SGO2: variants seen among roughly 807,000 people sequenced by gnomAD.
SGO2 encodes shugoshin-like 2.
Under a neutral mutation model 99.5 loss-of-function variants are expected in SGO2, and 68 were observed. That is an observed-to-expected ratio of 0.68 (90% CI 0.56 to 0.84). The LOEUF (loss-of-function observed/expected upper bound fraction) is 0.84, where lower values mean the gene tolerates loss of function less well. SGO2 is among the 40% of genes least tolerant of loss of function. The probability of loss-of-function intolerance (pLI) is 0.00; values close to 1 mark genes in which losing one functional copy is unlikely to be tolerated. For missense variants in SGO2, 1,350 were observed against 1,436.7 expected, an observed-to-expected ratio of 0.94 and a Z score of 0.97; for synonymous variants, 457 against 487.1, an observed-to-expected ratio of 0.94 and a Z score of 0.81.
chr2:200,532,968 C>G lies in SGO2; in HGVS notation c.-2-6C>G. 1 of 1,596,738 alleles carries G rather than the reference C, an allele frequency of 6.3e-7. No individual in the cohort carries two copies. Among genetic ancestry groups the G allele is most frequent in the Admixed American group, 1.8e-5 (1 of 56,020 alleles). On this transcript the variant is annotated splice_polypyrimidine_tract_variant and splice_region_variant and intron_variant, in intron 1 of 8. Coordinates refer to ENST00000357799, the MANE Select transcript of SGO2 (RefSeq NM_152524.6). ...AATACTATGATTTTTTTTTCTTTCA[C>G]TTCAGTGATGGAGTGCCCAGTGATG...
chr2:200,534,005 G>A (rs2031565710), intron 2 of SGO2, among the ~76,000 whole-genome samples: 2 of 152,262 alleles, frequency 1.3e-5, no homozygotes, highest in South Asian at 4.1e-4. Context: ...TAAGCTTGTT[G>A]TAGTCAGTTT....
At chr2:200,565,552 T>C (rs997631143) in intron 5 of SGO2, among the ~76,000 whole-genome samples, 7 of 152,230 alleles carry the variant, frequency 4.6e-5, no homozygotes, top group African/African-American at 1.7e-4. Context: ...GGAGTTGCTC[T>C]TCTCAAGGAG....
chr2:200,561,096 C>A (rs554381082), intron 5 of SGO2, among the ~76,000 whole-genome samples: 118 of 152,166 alleles, frequency 7.8e-4, no homozygotes, highest in Middle Eastern at 3.4e-3. Context: ...GCACAACGTG[C>A]AGGTTTGTTA....
In SGO2 at chr2:200,572,751, C is replaced by A; in HGVS notation, c.2405C>A (p.Ser802Ter). The change falls in exon 7 of 9, where the codon TCA becomes TAA. Residue 802 changes from serine (S) to a stop codon, truncating the protein, a stop_gained. Transcript: ENST00000357799. LOFTEE classifies it high-confidence loss of function. ...HDMQPACQND[S>*]KIGKKPRLNV... The stretch of plus-strand genomic sequence containing the variant: ...ATGCAACCTGCTTGTCAAAATGATT[C>A]AAAAATAGGTAAGAAGCCTAGACTA... 6.2e-7 allele frequency: 1 copy of A among 1,612,494 alleles called. No individual in the cohort carries two copies. Among genetic ancestry groups the A allele is most frequent in the South Asian group, 1.1e-5 (1 of 90,756 alleles).
intron 5 of SGO2, among the ~76,000 whole-genome samples, chr2:200,556,020 A>G (rs2032699612): frequency 6.6e-6 from 1 of 152,068 alleles, no homozygotes; most frequent in South Asian, 2.1e-4. Context: ...GCTGGAGTGC[A>G]ATGGTGCAAT....
intron 5 of SGO2, among the ~76,000 whole-genome samples, chr2:200,563,172 T>C (rs2033042523): frequency 6.6e-6 from 1 of 152,136 alleles, no homozygotes; most frequent in South Asian, 2.1e-4. Flanking sequence ...TTTTTGCCCA[T>C]TCAAAACTGG....
At chr2:200,538,487 CCTTAACA>C (rs1262622058) in intron 4 of SGO2, among the ~76,000 whole-genome samples, 1 of 152,170 alleles carries the variant, frequency 6.6e-6, no homozygotes, top group Non-Finnish European at 1.5e-5. Context: ...TAATCTTTCT[CCTTAACA>C]CTTAACACTC....
At chr2:200,537,563 C>A (rs2031751112) in intron 4 of SGO2, among the ~76,000 whole-genome samples, 1 of 152,144 alleles carries the variant, frequency 6.6e-6, no homozygotes, top group South Asian at 2.1e-4. Flanking sequence ...TAAGTCTCTT[C>A]CTACCTTTCT....
chr2:200,535,248 A>C, intron 3 of SGO2, 77 bp downstream of exon 3: 1 of 1,300,654 alleles, frequency 7.7e-7, no homozygotes, highest in African/African-American at 1.5e-5. Context: ...AGCTTTAAAA[A>C]TATTTTTCAA....
At chr2:200,547,201 A>G (rs1343855650) in intron 5 of SGO2, among the ~76,000 whole-genome samples, 3 of 152,234 alleles carry the variant, frequency 2.0e-5, no homozygotes, top group Non-Finnish European at 4.4e-5. Context: ...CATGCAGGCC[A>G]GGAGGGAGTA....
intron 8 of SGO2, 23 bp downstream of exon 8, chr2:200,575,484 G>A: frequency 6.6e-7 from 1 of 1,515,752 alleles, no homozygotes; most frequent in Non-Finnish European, 8.9e-7. Context: ...AATGATTTTA[G>A]TATGCCATTA....
In SGO2 at chr2:200,572,899, A is replaced by G. The variant is rs376607922; in HGVS notation, c.2553A>G (p.Thr851=). The change falls in exon 7 of 9, where the codon ACA becomes ACG. Residue 851 remains threonine, a synonymous_variant. Transcript: ENST00000357799. ...CTCTAACCCCAAAGGATAAAGAAAC[A>G]ATTTCTGAAAATCTACAAGTCACAA... The part of the protein sequence containing the change: ...FFSLTPKDKE[T]ISENLQVTNE... The G allele has an allele frequency of 2.0e-5, 32 of 1,590,700 alleles. No homozygotes were observed. Among genetic ancestry groups the G allele is most frequent in the Middle Eastern group, 1.7e-4 (1 of 5,950 alleles).
At chr2:200,542,877 G>A (rs1415516423) in intron 5 of SGO2, 2 of 368,220 alleles carry the variant, frequency 5.4e-6, no homozygotes, top group Non-Finnish European at 9.9e-6. Context: ...TATTTGTAAT[G>A]TCTTGCTACT....
At chr2:200,580,783 C>G (rs374805831) in intron 8 of SGO2, among the ~76,000 whole-genome samples, 74 of 152,170 alleles carry the variant, frequency 4.9e-4, no homozygotes, top group Middle Eastern at 6.8e-3. Flanking sequence ...TGCAGTGAGC[C>G]ATGATTGTGC....
intron 1 of SGO2, chr2:200,532,007 A>G (rs1399476260): frequency 6.6e-6 from 1 of 152,204 alleles, no homozygotes. Flanking sequence ...CTTTTTCCAC[A>G]TGAGGTTTAG....
chr2:200,536,175 CT>C (rs891178052), intron 4 of SGO2, 33 bp downstream of exon 4: 1 of 1,296,878 alleles, frequency 7.7e-7, no homozygotes, highest in Admixed American at 1.9e-5. Flanking sequence ...TAGTGTTGTT[CT>C]TTAGATTACT....
intron 5 of SGO2, among the ~76,000 whole-genome samples, chr2:200,554,181 G>T (rs966211205): frequency 2.6e-5 from 4 of 152,100 alleles, no homozygotes; most frequent in South Asian, 2.1e-4. Context: ...TCCAAATTTT[G>T]TTCACAGGAG....
Position 200,526,282 on chromosome 2 carries a change from G to A in SGO2, c.-3+30G>A, listed in dbSNP as rs981216427. 6.6e-6 allele frequency: 1 copy of A among 152,290 alleles called. No individual in the cohort carries two copies. Among genetic ancestry groups the A allele is most frequent in the Non-Finnish European group, 1.5e-5 (1 of 68,088 alleles). The allele number at this position is 152,290 out of a possible 1,614,324, so 9.4% of individuals were successfully genotyped here. A position where few individuals can be genotyped will look rare whatever the true frequency, so the allele number is the denominator to read the frequency against. On this transcript the variant is annotated intron_variant, in intron 1 of 8. Transcript: ENST00000357799. This position sits in a 1 kb window ranked among gnomAD's most constrained non-coding sequence, Gnocchi z 4.8. ...GTTAGTGGCCTGCGGCAGTTGACGT[G>A]ACCGCCCTCTCCCTGTCGGGATCGG... is the stretch of plus-strand genomic sequence containing the variant.
chr2:200,579,411 T>C (rs530708419), intron 8 of SGO2, among the ~76,000 whole-genome samples: 8 of 152,344 alleles, frequency 5.3e-5, no homozygotes, highest in Admixed American at 4.6e-4. Flanking sequence ...GTAGCAGGAA[T>C]AGTAGGCATG....
Sources: gnomAD v4.1 joint callset for allele counts (sites outside exome capture counted in the v4.1 genomes callset) on GRCh38, gnomAD v4.1.1 for gene constraint, Gnocchi (gnomAD v3.1) non-coding constraint, MANE v1.5 for transcripts, NCBI Gene and HGNC (gene_info 2026-07-23, HGNC 2026-07-21) for gene names.